RBFOX1: variants seen among roughly 807,000 people sequenced by gnomAD.
RBFOX1 encodes the protein RNA binding protein fox-1 homolog 1.
RBFOX1 carries 8 observed loss-of-function variants against 57.7 expected under a neutral mutation model. The ratio of observed to expected loss-of-function variants is 0.14; its 90% CI spans 0.08 to 0.25. The LOEUF is 0.25. Among genes scored for constraint, RBFOX1 ranks in the 10% least tolerant of loss-of-function variants. The pLI is 1.00. For missense variants in RBFOX1, 611 were observed against 548.5 expected (o/e 1.11, Z -1.14); for synonymous variants, 326 against 222.4 (o/e 1.47, Z -4.15).
chr16:5,771,933 G>A (rs564989173), intron 3 of RBFOX1, among the ~76,000 whole-genome samples: 1 of 152,302 alleles, frequency 6.6e-6, no homozygotes, highest in South Asian at 2.1e-4. Context: ...CAGCACTTTG[G>A]GAGGTCGAGG....
chr16:7,595,488 A>C, intron 7 of RBFOX1, 61 bp from the exon 8 acceptor site: 1 of 1,300,514 alleles, frequency 7.7e-7, no homozygotes, highest in South Asian at 1.5e-5. Context: ...AACATTACCA[A>C]GTGGTCGTTG....
At chr16:6,669,955 C>T (rs982673883) in intron 3 of RBFOX1, among the ~76,000 whole-genome samples, 4 of 152,138 alleles carry the variant, frequency 2.6e-5, no homozygotes, top group Non-Finnish European at 5.9e-5. Flanking sequence ...ACTTCAAGTC[C>T]ACCTGTCAAA....
intron 3 of RBFOX1, among the ~76,000 whole-genome samples, chr16:5,760,529 A>T (rs2053558259): frequency 1.3e-5 from 2 of 152,224 alleles, no homozygotes; most frequent in African/African-American, 4.8e-5. Context: ...AGAGGAGAAG[A>T]TAAACAAATC....
At chr16:5,768,678 G>A (rs2053872648) in intron 3 of RBFOX1, among the ~76,000 whole-genome samples, 1 of 152,118 alleles carries the variant, frequency 6.6e-6, no homozygotes, top group Non-Finnish European at 1.5e-5. Context: ...CTGCCTGCTG[G>A]GGAGGAAGCG....
At chr16:6,507,162 A>C (rs2096122131) in intron 2 of RBFOX1, among the ~76,000 whole-genome samples, 1 of 152,144 alleles carries the variant, frequency 6.6e-6, no homozygotes, top group African/African-American at 2.4e-5. Flanking sequence ...CCTCCACTGC[A>C]GAGATGGCTT....
At chr16:6,994,633 T>C (rs1242993798) in intron 3 of RBFOX1, among the ~76,000 whole-genome samples, 1 of 152,196 alleles carries the variant, frequency 6.6e-6, no homozygotes, top group East Asian at 1.9e-4. Flanking sequence ...ATTACATCAA[T>C]AATTCAAAGA....
chr16:6,640,566 C>G (rs1425917178), intron 2 of RBFOX1, among the ~76,000 whole-genome samples: 2 of 152,098 alleles, frequency 1.3e-5, no homozygotes, highest in Admixed American at 6.6e-5. Context: ...TGTGATCATG[C>G]CACTGCACTC....
rs74487167 is a variant in RBFOX1, at chr16:5,894,285, A to C, written c.351+26950A>C. ...TTAAAACAATTCAAAACATTATAAAAACTTTTTTTTTGTATGAGATGGAGT... is the reference window on the plus strand; with the variant it reads ...TTAAAACAATTCAAAACATTATAAACACTTTTTTTTTGTATGAGATGGAGT... On this transcript the variant is annotated intron_variant, in intron 4 of 19. Coordinates refer to the RBFOX1 transcript ENST00000641259. Among the ~76,000 whole-genome samples the C allele has an allele frequency of 3.4e-3, 520 of 152,300 alleles. 3 individuals carry two copies. The highest frequency in any genetic ancestry group is 0.012 in the African/African-American group (495 of 41,562).
chr16:5,267,287 A>G (rs1331350787), intron 1 of RBFOX1, among the ~76,000 whole-genome samples: 1 of 136,134 alleles, frequency 7.3e-6, no homozygotes, highest in African/African-American at 2.9e-5. Context: ...TACAAGGCCC[A>G]CACATAAGGG....
At chr16:6,435,430 A>G (rs1313506654) in intron 2 of RBFOX1, among the ~76,000 whole-genome samples, 2 of 152,152 alleles carry the variant, frequency 1.3e-5, no homozygotes, top group African/African-American at 4.8e-5. Context: ...CCTCCCGAGT[A>G]GCTGGGACTA....
intron 4 of RBFOX1, among the ~76,000 whole-genome samples, chr16:7,129,952 A>G (rs987218260): frequency 2.6e-5 from 4 of 151,280 alleles, no homozygotes; most frequent in Admixed American, 2.6e-4. Context: ...TTCAAATCTC[A>G]TTTGCCAGCA....
chr16:5,640,813 C>G (rs1596550084), intron 3 of RBFOX1, among the ~76,000 whole-genome samples: 1 of 149,148 alleles, frequency 6.7e-6, no homozygotes, highest in South Asian at 2.2e-4. Flanking sequence ...TACACATGCA[C>G]ACCATGGATA....
chr16:5,585,101 A>G (rs1420532331), intron 2 of RBFOX1, among the ~76,000 whole-genome samples: 3 of 152,068 alleles, frequency 2.0e-5, no homozygotes, highest in Admixed American at 6.5e-5. Context: ...CGTCACCTCT[A>G]TCTCATTCCA....
At chr16:7,222,632 A>G (rs771824788) in intron 4 of RBFOX1, among the ~76,000 whole-genome samples, 3 of 152,158 alleles carry the variant, frequency 2.0e-5, no homozygotes, top group Non-Finnish European at 4.4e-5. Context: ...ATCTGTGTGC[A>G]TTTACAAGTT....
At position 7,500,164 on chromosome 16, in the gene RBFOX1, A is replaced by T. The variant is rs187832575; in HGVS notation, c.28-17983A>T. On this transcript the variant is annotated intron_variant, in intron 4 of 15. Transcript: ENST00000550418. ...TTATGCACTGCTTAATCATGTGAAG[A>T]AGCACAGACTCTCCAGTCTCAAGTG... Among the ~76,000 whole-genome samples, 10 of 152,318 alleles carry T rather than the reference A, an allele frequency of 6.6e-5. No homozygotes were observed. In the East Asian group the frequency reaches 1.7e-3, roughly 26 times the overall value.
At chr16:7,258,511 G>T (rs1190399116) in intron 4 of RBFOX1, among the ~76,000 whole-genome samples, 2 of 152,076 alleles carry the variant, frequency 1.3e-5, no homozygotes, top group African/African-American at 4.8e-5. Context: ...ACTGCAAGTA[G>T]ATTATGAAAT....
At chr16:6,921,639 A>ATT (rs758392462) in intron 3 of RBFOX1, among the ~76,000 whole-genome samples, 4 of 94,986 alleles carry the variant, frequency 4.2e-5, no homozygotes, top group African/African-American at 1.6e-4. Context: ...ATATATATAT[A>ATT]TATATATTTT....
Position 7,221,837 on chromosome 16 carries a change from G to C in RBFOX1, c.27+169739G>C, listed in dbSNP as rs923791910. On this transcript the variant is annotated intron_variant, in intron 4 of 15. Coordinates refer to ENST00000550418, the MANE Select transcript of RBFOX1 (RefSeq NM_018723.4). ...AGCACATACAGAGGCCTGAAAAGTT[G>C]ATTTCCCTCCTTGGAGGAGTTCCTG... 2.0e-5 allele frequency among the ~76,000 whole-genome samples: 3 copies of C among 152,142 alleles called. No homozygotes were observed. The East Asian group carries it at 5.8e-4, about 29-fold the overall frequency.
intron 3 of RBFOX1, among the ~76,000 whole-genome samples, chr16:5,704,215 C>T (rs548351672): frequency 6.1e-4 from 93 of 152,250 alleles, no homozygotes; most frequent in African/African-American, 2.2e-3. Flanking sequence ...ATCACAGTTG[C>T]AGAAGCTGCT....
Sources: gnomAD v4.1 joint callset for allele counts (sites outside exome capture counted in the v4.1 genomes callset) on GRCh38, gnomAD v4.1.1 for gene constraint, MANE v1.5 for transcripts, NCBI Gene and HGNC (gene_info 2026-07-23, HGNC 2026-07-21) for gene names.